Variants in SAMD13 observed in about 807,000 individuals in gnomAD.
The protein encoded by SAMD13 is sterile alpha motif domain-containing protein 13.
In SAMD13, 9 loss-of-function variants were observed where a neutral mutation model predicts 12.4. The ratio of observed to expected loss-of-function variants is 0.72; its 90% CI spans 0.44 to 1.26. The LOEUF (loss-of-function observed/expected upper bound fraction) is 1.26, where lower values mean the gene tolerates loss of function less well. Among genes scored for constraint, SAMD13 ranks in the 50% most tolerant of loss-of-function variants. SAMD13 has a pLI of 0.00. For synonymous variants in SAMD13, 46 were observed against 45.4 expected (o/e 1.01, Z -0.05); for missense variants, 84 against 119.6 (o/e 0.70, Z 1.39).
At chr1:84,316,029 A>G (rs924786057) in intron 2 of SAMD13, among the ~76,000 whole-genome samples, 1 of 152,110 alleles carries the variant, frequency 6.6e-6, no homozygotes, top group Non-Finnish European at 1.5e-5. Flanking sequence ...TTTCAGAGAT[A>G]TCTATTATGT....
intron 3 of SAMD13, among the ~76,000 whole-genome samples, chr1:84,339,926 A>G (rs1195775461): frequency 6.6e-6 from 1 of 152,238 alleles, no homozygotes; most frequent in Non-Finnish European, 1.5e-5. Flanking sequence ...GGTTATAGAA[A>G]GGGATGAGAT....
At chr1:84,338,690 G>A (rs147286478) in intron 3 of SAMD13, among the ~76,000 whole-genome samples, 128 of 152,072 alleles carry the variant, frequency 8.4e-4, no homozygotes, top group African/African-American at 2.3e-3. Context: ...CACCTGCCTC[G>A]GCCTCCCAAA....
chr1:84,301,022 T>C (rs1410753924), upstream of SAMD13, among the ~76,000 whole-genome samples: 4 of 152,228 alleles, frequency 2.6e-5, no homozygotes, highest in Admixed American at 2.0e-4. Flanking sequence ...TTTTGTAGAA[T>C]AAGGTTTTGT....
upstream of SAMD13, chr1:84,298,633 A>G: frequency 8.0e-7 from 1 of 1,249,292 alleles, no homozygotes; most frequent in Middle Eastern, 2.1e-4. Flanking sequence ...TCCAGGATGA[A>G]AGGAAACGAA....
chr1:84,332,163 T>C (rs1679205714), intron 3 of SAMD13, among the ~76,000 whole-genome samples: 1 of 152,222 alleles, frequency 6.6e-6, no homozygotes, highest in African/African-American at 2.4e-5. Context: ...ATTTCATATC[T>C]TTCCTATTGC....
rs1309879072 is a variant in SAMD13, at chr1:84,345,696, T to TTCTC, written c.166-3933_166-3930dup. On this transcript the variant is annotated intron_variant, in intron 3 of 3. Coordinates refer to ENST00000394834, the MANE Select transcript of SAMD13 (RefSeq NM_001134663.2). ...ACTCTTTGTCTCTTCCTAGGCTCTT[T>TTCTC]TCTCTTTGCTACTTCTGTTCCCACC... is the stretch of plus-strand genomic sequence containing the variant. Among the ~76,000 whole-genome samples the TTCTC allele has an allele frequency of 2.6e-5, 4 of 152,220 alleles. 1 individual carries two copies. Among genetic ancestry groups the TTCTC allele is most frequent in the Non-Finnish European group, 5.9e-5 (4 of 68,046 alleles).
chr1:84,338,156 C>T lies in SAMD13; in HGVS notation c.166-11475C>T, dbSNP rs763922804. On this transcript the variant is annotated intron_variant, in intron 3 of 3. Transcript: ENST00000394834. ...GAGCCCTCCAACCTCTGCCTGTTAC[C>T]CAGTTTCAAAGTCACTTCCACATTT... Among the ~76,000 whole-genome samples, 162 of 152,170 alleles carry T rather than the reference C, an allele frequency of 1.1e-3. 1 individual carries two copies. The highest frequency in any genetic ancestry group is 2.5e-4 in the Non-Finnish European group (17 of 68,028).
At chr1:84,336,144 G>A (rs975437938) in intron 3 of SAMD13, among the ~76,000 whole-genome samples, 3 of 152,296 alleles carry the variant, frequency 2.0e-5, no homozygotes, top group East Asian at 1.9e-4. Flanking sequence ...ATGTATTTTC[G>A]AAGTTGCTTG....
intron 3 of SAMD13, among the ~76,000 whole-genome samples, chr1:84,346,951 C>T (rs549158088): frequency 6.6e-6 from 1 of 152,298 alleles, no homozygotes; most frequent in Non-Finnish European, 1.5e-5. Flanking sequence ...CCATTTCTTT[C>T]GAAGCCTATC....
chr1:84,330,065 G>C (rs1679144216), intron 3 of SAMD13, among the ~76,000 whole-genome samples: 1 of 152,156 alleles, frequency 6.6e-6, no homozygotes, highest in South Asian at 2.1e-4. Context: ...ATTTTCCCAA[G>C]CACCTTCTAG....
chr1:84,330,806 T>C (rs1484863026), intron 3 of SAMD13, among the ~76,000 whole-genome samples: 1 of 152,190 alleles, frequency 6.6e-6, no homozygotes, highest in African/African-American at 2.4e-5. Context: ...TGTCATATAG[T>C]TCATATTTTT....
intron 2 of SAMD13, among the ~76,000 whole-genome samples, chr1:84,310,482 A>T (rs1678685774): frequency 1.3e-5 from 2 of 152,192 alleles, no homozygotes; most frequent in Admixed American, 1.3e-4. Flanking sequence ...GACTTACAGG[A>T]TCTCTCATTT....
intron 3 of SAMD13, among the ~76,000 whole-genome samples, chr1:84,336,675 G>A (rs569522066): frequency 6.6e-6 from 1 of 152,030 alleles, no homozygotes; most frequent in South Asian, 2.1e-4. Flanking sequence ...TGCACCCCTG[G>A]CCCCTCCCAA....
At position 84,325,657 on chromosome 1, in the gene SAMD13, C is replaced by G. The variant is rs377502974; in HGVS notation, c.74C>G (p.Pro25Arg). ...TGCAGTTCCATGGAAAATGGGAGAC[C>G]ACCTGATCCTGCAGACTGGGCCGTG... The part of the protein sequence containing the change: ...GVKNSMENGR[P>R]PDPADWAVMD... The change falls in exon 3 of 4, where the codon CCA (proline) becomes CGA (arginine). Residue 25 changes from proline to arginine, a missense_variant. Pro to Arg is a moderately radical substitution (Grantham distance 103). Transcript: ENST00000394834. The G allele has an allele frequency of 4.3e-6, 7 of 1,612,090 alleles. No individual in the cohort carries two copies. The highest frequency in any genetic ancestry group is 5.9e-6 in the Non-Finnish European group (7 of 1,178,442).
At chr1:84,337,133 C>A (rs577541205) in intron 3 of SAMD13, among the ~76,000 whole-genome samples, 1 of 152,252 alleles carries the variant, frequency 6.6e-6, no homozygotes, top group East Asian at 1.9e-4. Flanking sequence ...TGAGTGTCTG[C>A]GGCTTTTCTG....
intron 2 of SAMD13, among the ~76,000 whole-genome samples, chr1:84,323,273 G>A (rs1376488305): frequency 6.6e-6 from 1 of 152,120 alleles, no homozygotes; most frequent in Admixed American, 6.5e-5. Flanking sequence ...TGTTGCTAGT[G>A]TATGGAAAAT....
intron 2 of SAMD13, among the ~76,000 whole-genome samples, chr1:84,313,227 T>C (rs541284812): frequency 9.9e-5 from 15 of 152,134 alleles, no homozygotes; most frequent in Non-Finnish European, 1.9e-4. Context: ...CACAAAAATG[T>C]ATACATATAT....
intron 2 of SAMD13, among the ~76,000 whole-genome samples, chr1:84,320,522 G>GA (rs546806578): frequency 6.6e-5 from 10 of 152,310 alleles, no homozygotes; most frequent in African/African-American, 2.4e-4. Context: ...GGGAGAGGGA[G>GA]AAAGGAACGG....
upstream of SAMD13, chr1:84,299,555 C>T (rs1372728463): frequency 2.1e-6 from 3 of 1,451,730 alleles, no homozygotes; most frequent in African/African-American, 1.4e-5. Flanking sequence ...ATAGTGCACA[C>T]ATCACACTCA....
Sources: gnomAD v4.1 joint callset for allele counts (sites outside exome capture counted in the v4.1 genomes callset) on GRCh38, gnomAD v4.1.1 for gene constraint, MANE v1.5 for transcripts, NCBI Gene and HGNC (gene_info 2026-07-23, HGNC 2026-07-21) for gene names.